Variants in FREM3 observed in about 807,000 individuals in gnomAD.
FREM3 encodes FRAS1-related extracellular matrix protein 3.
In FREM3, 105 loss-of-function variants were observed where a neutral mutation model predicts 129.1. That is an observed-to-expected ratio of 0.81 (90% CI 0.69 to 0.96). The LOEUF (loss-of-function observed/expected upper bound fraction) is 0.96, where lower values mean the gene tolerates loss of function less well. Among genes scored for constraint, FREM3 ranks in the 40% least tolerant of loss-of-function variants. The probability of loss-of-function intolerance (pLI) is 0.00; values close to 1 mark genes in which losing one functional copy is unlikely to be tolerated. For synonymous variants in FREM3, 1,014 were observed against 1,044.9 expected (o/e 0.97, Z 0.57); for missense variants, 2,593 against 2,666.3 (o/e 0.97, Z 0.61).
intron 3 of FREM3, among the ~76,000 whole-genome samples, chr4:143,625,760 C>G (rs896745036): frequency 6.6e-6 from 1 of 152,300 alleles, no homozygotes; most frequent in African/African-American, 2.4e-5. Context: ...GCCACCACTA[C>G]CCTCAAGAGG....
Position 143,586,978 on chromosome 4 carries a change from C to A in FREM3, c.6029-985G>T, listed in dbSNP as rs544401919. On this transcript the variant is annotated intron_variant, in intron 6 of 7. Coordinates refer to ENST00000329798, the MANE Select transcript of FREM3 (RefSeq NM_001168235.2). ...CCTTTGCAAATATATTGCAATGCAC[C>A]AGGAGTGTATCTGAATTTAAATTCA... Among the ~76,000 whole-genome samples the A allele has an allele frequency of 5.2e-4, 79 of 152,214 alleles. No individual in the cohort carries two copies. In the South Asian group the frequency reaches 0.016, roughly 31 times the overall value.
chr4:143,686,551 C>T (rs1740367863), intron 2 of FREM3, among the ~76,000 whole-genome samples: 1 of 152,152 alleles, frequency 6.6e-6, no homozygotes, highest in Non-Finnish European at 1.5e-5. Context: ...ATGAAACTTT[C>T]TCCAAGATAC....
chr4:143,599,642 G>C (rs1052041142), intron 6 of FREM3, among the ~76,000 whole-genome samples: 1 of 152,184 alleles, frequency 6.6e-6, no homozygotes, highest in African/African-American at 2.4e-5. Context: ...ACTTGGCAAG[G>C]CATGGTGTCC....
At position 143,697,174 on chromosome 4, in the gene FREM3, A is replaced by G. The variant is rs1219809987; in HGVS notation, c.3502T>C (p.Phe1168Leu). The G allele has an allele frequency of 2.0e-6, 3 of 1,537,916 alleles. No individual in the cohort carries two copies. Among genetic ancestry groups the G allele is most frequent in the Non-Finnish European group, 2.6e-6 (3 of 1,147,050 alleles). The change falls in exon 1 of 8, where the codon TTT becomes CTT. Residue 1168 changes from phenylalanine to leucine, a missense_variant. By Grantham distance (22) the Phe-to-Leu change is conservative (BLOSUM62 0). This residue lies in a region of FREM3 where 2,276 missense variants were observed against 2,267.2 expected (regional missense o/e 1.00). Transcript: ENST00000329798. ...GVEPQEDQFT[F>L]YCSDGINFSP... ...AAGTTGATGCCATCAGAGCAATAAA[A>G]GGTGAATTGGTCCTCTTGTGGCTCT...
chr4:143,589,803 TG>T (rs1169580856), intron 6 of FREM3, among the ~76,000 whole-genome samples: 1 of 152,226 alleles, frequency 6.6e-6, no homozygotes, highest in African/African-American at 2.4e-5. Flanking sequence ...TTGATGGGGA[TG>T]GCATTGAATC....
chr4:143,678,901 A>T (rs1469432157), intron 2 of FREM3, among the ~76,000 whole-genome samples: 1 of 152,156 alleles, frequency 6.6e-6, no homozygotes, highest in Non-Finnish European at 1.5e-5. Context: ...TATTTTAAGT[A>T]GGTGCAAGTA....
In FREM3 at chr4:143,696,285, A is replaced by G. The variant is rs1740566835; in HGVS notation, c.4391T>C (p.Ile1464Thr). ...GTGACCCAGGCTTGGAGCCCGTGTA[A>G]TGCTAAAGTGATGTTCATCAGAGCT... ...INSSDEHHFSITRAPSLGHLE... is the reference protein window; with the variant it reads ...INSSDEHHFSTTRAPSLGHLE... The change falls in exon 1 of 8, where the codon ATT becomes ACT. Residue 1464 changes from isoleucine to threonine, a missense_variant. Ile to Thr is a moderately conservative substitution (Grantham distance 89). Around this residue, in one of 2 missense-constraint regions of FREM3, gnomAD observed 2,276 missense variants for 2,267.2 expected, o/e 1.00. Coordinates refer to ENST00000329798, the MANE Select transcript of FREM3 (RefSeq NM_001168235.2). 4.6e-6 allele frequency: 7 copies of G among 1,537,648 alleles called. No individual in the cohort carries two copies. The highest frequency in any genetic ancestry group is 6.1e-6 in the Non-Finnish European group (7 of 1,147,010).
intron 6 of FREM3, among the ~76,000 whole-genome samples, chr4:143,606,112 T>A (rs559479156): frequency 1.1e-3 from 175 of 152,308 alleles, no homozygotes; most frequent in African/African-American, 4.0e-3. Context: ...ACAATTGGAT[T>A]CTTTGTTCAG....
intron 2 of FREM3, among the ~76,000 whole-genome samples, chr4:143,670,432 T>C (rs754758994): frequency 1.3e-5 from 2 of 152,178 alleles, no homozygotes; most frequent in Non-Finnish European, 2.9e-5. Flanking sequence ...ACTAGGCACA[T>C]GTGTATGTAC....
At chr4:143,588,471 C>T (rs1738285203) in intron 6 of FREM3, among the ~76,000 whole-genome samples, 1 of 151,258 alleles carries the variant, frequency 6.6e-6, no homozygotes, top group South Asian at 2.1e-4. Context: ...TCAATTCCCA[C>T]CTATGAGTGA....
chr4:143,658,801 C>A (rs1739645707), intron 2 of FREM3, among the ~76,000 whole-genome samples: 1 of 152,212 alleles, frequency 6.6e-6, no homozygotes, highest in Non-Finnish European at 1.5e-5. Flanking sequence ...GAAAAGCCAA[C>A]AGATTGTCAC....
chr4:143,682,401 T>A (rs752258126), intron 2 of FREM3, among the ~76,000 whole-genome samples: 18 of 152,310 alleles, frequency 1.2e-4, no homozygotes, highest in Non-Finnish European at 2.6e-4. Flanking sequence ...GAATGGCTGC[T>A]GTCTGCAACC....
chr4:143,595,793 C>T (rs1350798509), intron 6 of FREM3, among the ~76,000 whole-genome samples: 1 of 148,842 alleles, frequency 6.7e-6, no homozygotes, highest in Non-Finnish European at 1.5e-5. Context: ...GAGGCTGAGG[C>T]AGAAGAATGG....
intron 6 of FREM3, among the ~76,000 whole-genome samples, chr4:143,593,508 C>G (rs1472807397): frequency 1.3e-5 from 2 of 152,150 alleles, no homozygotes; most frequent in Admixed American, 1.3e-4. Flanking sequence ...CACTCCAGAC[C>G]CTGTTTGCCT....
At chr4:143,661,264 A>C (rs537400231) in intron 2 of FREM3, among the ~76,000 whole-genome samples, 31 of 152,276 alleles carry the variant, frequency 2.0e-4, no homozygotes, top group African/African-American at 7.2e-4. Flanking sequence ...TCCCATCAAT[A>C]CCTAATTTAT....
At chr4:143,592,058 G>A (rs1223608901) in intron 6 of FREM3, among the ~76,000 whole-genome samples, 1 of 152,132 alleles carries the variant, frequency 6.6e-6, no homozygotes, top group Non-Finnish European at 1.5e-5. Flanking sequence ...GACTAGGATT[G>A]CAACCCCTGC....
chr4:143,648,001 T>A (rs1739448837), intron 2 of FREM3, among the ~76,000 whole-genome samples: 2 of 152,160 alleles, frequency 1.3e-5, no homozygotes. Context: ...GAAAGGGGGC[T>A]GTATCCTGCA....
intron 2 of FREM3, among the ~76,000 whole-genome samples, chr4:143,686,111 G>C (rs1270514997): frequency 6.6e-6 from 1 of 152,112 alleles, no homozygotes; most frequent in Non-Finnish European, 1.5e-5. Flanking sequence ...ACATAACTTA[G>C]AGTAAAGGGG....
At chr4:143,652,146 C>CTTTTT (rs1030414098) in intron 2 of FREM3, among the ~76,000 whole-genome samples, 75 of 58,514 alleles carry the variant, frequency 1.3e-3, no homozygotes, top group Non-Finnish European at 1.6e-3. Context: ...TTTTTCCTTT[C>CTTTTT]TTTTTTTTTT....
Sources: allele counts gnomAD v4.1 joint callset (sites outside exome capture counted in the v4.1 genomes callset), GRCh38; gene constraint gnomAD v4.1.1; regional missense constraint gnomAD v4.1.1; transcripts MANE v1.5; gene names NCBI Gene and HGNC (gene_info 2026-07-23, HGNC 2026-07-21).